Variants in MINPP1 observed in about 807,000 individuals in gnomAD.
MINPP1 encodes multiple inositol polyphosphate phosphatase 1.
Under a neutral mutation model 46.1 loss-of-function variants are expected in MINPP1, and 28 were observed. That is an observed-to-expected ratio of 0.61 (90% CI 0.45 to 0.83). MINPP1 has a LOEUF of 0.83. Ranked by LOEUF, MINPP1 falls within the 40% of genes least tolerant of loss-of-function variation. MINPP1 has a pLI of 0.00. For synonymous variants in MINPP1, 268 were observed against 249.1 expected (o/e 1.08, Z -0.72); for missense variants, 603 against 610.0 (o/e 0.99, Z 0.12).
intron 4 of MINPP1, among the ~76,000 whole-genome samples, chr10:87,548,769 C>T (rs1243609201): frequency 6.6e-6 from 1 of 151,568 alleles, no homozygotes; most frequent in Admixed American, 6.6e-5. Context: ...AAACTATTAC[C>T]CTTGTCTTAT....
At chr10:87,510,782 A>G (rs1475486432) in intron 2 of MINPP1, among the ~76,000 whole-genome samples, 1 of 152,220 alleles carries the variant, frequency 6.6e-6, no homozygotes, top group East Asian at 1.9e-4. Flanking sequence ...AAATAAATAA[A>G]TAGATTTCTA....
chr10:87,526,055 C>G (rs1337134212), intron 4 of MINPP1, among the ~76,000 whole-genome samples: 1 of 152,160 alleles, frequency 6.6e-6, no homozygotes, highest in Non-Finnish European at 1.5e-5. Flanking sequence ...ATTTATAATC[C>G]TTTGGGTATA....
intron 4 of MINPP1, among the ~76,000 whole-genome samples, chr10:87,531,829 G>A (rs1188668745): frequency 6.6e-6 from 1 of 151,796 alleles, no homozygotes. Context: ...TCTAGACTTG[G>A]GTCCCATCCC....
intron 4 of MINPP1, among the ~76,000 whole-genome samples, chr10:87,525,546 T>C (rs1295279153): frequency 6.6e-6 from 1 of 152,230 alleles, no homozygotes; most frequent in Non-Finnish European, 1.5e-5. Flanking sequence ...TTTCTTTTTT[T>C]CACCTTTTTT....
intron 4 of MINPP1, among the ~76,000 whole-genome samples, chr10:87,541,886 G>A (rs1291773640): frequency 6.6e-6 from 1 of 152,176 alleles, no homozygotes; most frequent in African/African-American, 2.4e-5. Context: ...CCATGTCCCA[G>A]TCTCTTCCCA....
chr10:87,536,235 C>A, intron 4 of MINPP1, among the ~76,000 whole-genome samples: 1 of 151,994 alleles, frequency 6.6e-6, no homozygotes, highest in East Asian at 1.9e-4. Context: ...TTAGAGAACA[C>A]TTATAATAGC....
chr10:87,511,523 C>T (rs1005628976), intron 2 of MINPP1, among the ~76,000 whole-genome samples: 10 of 152,058 alleles, frequency 6.6e-5, no homozygotes, highest in African/African-American at 1.4e-4. Flanking sequence ...AGATTGACCA[C>T]GAAATCAGAA....
intron 4 of MINPP1, among the ~76,000 whole-genome samples, chr10:87,538,966 T>G (rs935413693): frequency 2.0e-5 from 3 of 152,206 alleles, no homozygotes; most frequent in African/African-American, 7.2e-5. Context: ...TTTATCTACT[T>G]TGAACACACA....
At chr10:87,513,250 T>C (rs1564672770) in intron 3 of MINPP1, 29 bp downstream of exon 3, 1 of 1,520,634 alleles carries the variant, frequency 6.6e-7, no homozygotes, top group Non-Finnish European at 9.1e-7. Flanking sequence ...GTTTCTTTGC[T>C]TTTTTAAAAA....
Position 87,540,632 on chromosome 10 carries a change from G to A in MINPP1, c.1068-11450G>A, listed in dbSNP as rs1458831045. 3.9e-5 allele frequency among the ~76,000 whole-genome samples: 6 copies of A among 152,304 alleles called. No homozygotes were observed. In the South Asian group the frequency reaches 1.2e-3, roughly 32 times the overall value. ...AGCTTTGGTTTGTTGGAGAAGGTTGGAAGTGAAACCAGAAAAGTTGTCATA... is the reference window on the plus strand; with the variant it reads ...AGCTTTGGTTTGTTGGAGAAGGTTGAAAGTGAAACCAGAAAAGTTGTCATA... On this transcript the variant is annotated intron_variant, in intron 4 of 4. Coordinates refer to ENST00000371996, the MANE Select transcript of MINPP1 (RefSeq NM_004897.5).
At chr10:87,546,791 A>T (rs1851893218) in intron 4 of MINPP1, 1 of 152,142 alleles carries the variant, frequency 6.6e-6, no homozygotes, top group Non-Finnish European at 1.5e-5. Flanking sequence ...TGAGTTGGGC[A>T]TGGTGGTGCA....
chr10:87,543,134 G>A (rs887556140), intron 4 of MINPP1, among the ~76,000 whole-genome samples: 1 of 152,144 alleles, frequency 6.6e-6, no homozygotes, highest in Non-Finnish European at 1.5e-5. Flanking sequence ...GTGTGCCCTA[G>A]GGATACCCTC....
chr10:87,543,948 T>C (rs146627836), intron 4 of MINPP1, among the ~76,000 whole-genome samples: 4 of 152,274 alleles, frequency 2.6e-5, no homozygotes, highest in African/African-American at 9.6e-5. Flanking sequence ...CTATATCAAC[T>C]TCTGTGACCC....
At chr10:87,527,512 G>T (rs1851595017) in intron 4 of MINPP1, among the ~76,000 whole-genome samples, 1 of 152,118 alleles carries the variant, frequency 6.6e-6, no homozygotes, top group Admixed American at 6.5e-5. Flanking sequence ...GCCCTTTTCT[G>T]CATCTATTGA....
chr10:87,511,765 G>A, intron 2 of MINPP1, among the ~76,000 whole-genome samples: 1 of 151,950 alleles, frequency 6.6e-6, no homozygotes, highest in East Asian at 1.9e-4. Context: ...TATACCATGT[G>A]GACTGACTTC....
chr10:87,511,330 A>G (rs575601700), intron 2 of MINPP1, among the ~76,000 whole-genome samples: 1 of 152,118 alleles, frequency 6.6e-6, no homozygotes, highest in Non-Finnish European at 1.5e-5. Flanking sequence ...CTGTCTCTTC[A>G]TTATGGCTTC....
chr10:87,526,150 G>C (rs1851573395), intron 4 of MINPP1, among the ~76,000 whole-genome samples: 1 of 152,170 alleles, frequency 6.6e-6, no homozygotes, highest in East Asian at 1.9e-4. Flanking sequence ...CACAATGGTT[G>C]AACTAGTTTA....
At chr10:87,517,252 C>G (rs1013914651) in intron 3 of MINPP1, among the ~76,000 whole-genome samples, 1 of 152,112 alleles carries the variant, frequency 6.6e-6, no homozygotes, top group Non-Finnish European at 1.5e-5. Context: ...TGATCTTGAC[C>G]TGTTGTGTTG....
chr10:87,507,988 G>T (rs764900823), intron 1 of MINPP1: 21 of 1,387,156 alleles, frequency 1.5e-5, no homozygotes, highest in Non-Finnish European at 1.9e-5. Context: ...CTCTCACCTT[G>T]TAAGTAGAAA....
Sources: allele counts gnomAD v4.1 joint callset (sites outside exome capture counted in the v4.1 genomes callset), GRCh38; gene constraint gnomAD v4.1.1; transcripts MANE v1.5; gene names NCBI Gene and HGNC (gene_info 2026-07-23, HGNC 2026-07-21).